The following HIPK2 variants were observed in gnomAD, a reference collection of about 807,000 sequenced individuals.
HIPK2 encodes the protein homeodomain interacting protein kinase 2.
Under a neutral mutation model 113.7 loss-of-function variants are expected in HIPK2, and 27 were observed. The ratio of observed to expected loss-of-function variants is 0.24; its 90% CI spans 0.17 to 0.33. The LOEUF is 0.33. Among genes scored for constraint, HIPK2 ranks in the 10% least tolerant of loss-of-function variants. HIPK2 has a pLI of 1.00. For synonymous variants in HIPK2, 631 were observed against 642.2 expected, an observed-to-expected ratio of 0.98 and a Z score of 0.26; for missense variants, 1,257 against 1,588.0, an observed-to-expected ratio of 0.79 and a Z score of 3.54.
intron 1 of HIPK2, among the ~76,000 whole-genome samples, chr7:139,765,536 G>C (rs1407891323): frequency 1.3e-5 from 2 of 152,128 alleles, no homozygotes; most frequent in Non-Finnish European, 2.9e-5. Flanking sequence ...TATCTGTTTT[G>C]CTCAATGCTG....
intron 10 of HIPK2, 57 bp from the exon 11 acceptor site, chr7:139,600,653 T>C (rs1799392436): frequency 2.6e-6 from 4 of 1,563,466 alleles, no homozygotes; most frequent in Non-Finnish European, 3.5e-6. Flanking sequence ...GTAGAGCTCC[T>C]CTATAAGATC....
intron 2 of HIPK2, among the ~76,000 whole-genome samples, chr7:139,656,780 C>T (rs946424315): frequency 2.0e-5 from 3 of 152,176 alleles, no homozygotes; most frequent in African/African-American, 7.2e-5. Context: ...TCTCCTTACT[C>T]GACACTTCTG....
intron 12 of HIPK2, among the ~76,000 whole-genome samples, chr7:139,592,839 C>G (rs538074927): frequency 4.6e-5 from 7 of 152,354 alleles, no homozygotes; most frequent in South Asian, 4.1e-4. Flanking sequence ...ATCTGTTTGT[C>G]TTATCTTTTG....
rs145567716 is a variant in HIPK2, at chr7:139,773,135, C to A, written c.19+4470G>T. Among the ~76,000 whole-genome samples the A allele has an allele frequency of 2.9e-3, 440 of 152,194 alleles. 1 individual carries two copies. Among genetic ancestry groups the A allele is most frequent in the African/African-American group, 9.4e-3 (389 of 41,520 alleles). ...TGCATAAATGTTTGCTGAATGAATG[C>A]GTTAAAGATGGGCCCTCGTCTGTCA... On this transcript the variant is annotated intron_variant, in intron 1 of 14. Transcript: ENST00000406875.
intron 2 of HIPK2, among the ~76,000 whole-genome samples, chr7:139,689,756 C>T (rs189998839): frequency 5.3e-5 from 8 of 152,288 alleles, no homozygotes; most frequent in African/African-American, 4.8e-5. Context: ...CTATGGCTTG[C>T]GCTTTGCTTG....
At chr7:139,720,380 C>T (rs1795371771) in intron 1 of HIPK2, among the ~76,000 whole-genome samples, 1 of 152,188 alleles carries the variant, frequency 6.6e-6, no homozygotes, top group Non-Finnish European at 1.5e-5. Flanking sequence ...CATGGATCTG[C>T]TGGAGGGTGT....
intron 1 of HIPK2, among the ~76,000 whole-genome samples, chr7:139,732,661 T>C (rs1425992142): frequency 6.6e-6 from 1 of 151,916 alleles, no homozygotes; most frequent in Non-Finnish European, 1.5e-5. Context: ...ACTTAACCCC[T>C]TTCTGCCTCA....
intron 1 of HIPK2, among the ~76,000 whole-genome samples, chr7:139,732,528 A>G (rs1209162624): frequency 2.0e-5 from 3 of 152,176 alleles, no homozygotes; most frequent in Non-Finnish European, 4.4e-5. Flanking sequence ...TTGGTGATGT[A>G]GGCCATCCCT....
rs111568475 is a variant in HIPK2, at chr7:139,569,043, A to G, written c.*3884T>C. 1,096 of 152,570 alleles carry G rather than the reference A, an allele frequency of 7.2e-3. 14 individuals are homozygous for G. The highest frequency in any genetic ancestry group is 0.024 in the African/African-American group (998 of 41,554). 9.5% of individuals were successfully genotyped at this position (152,570 alleles called of 1,614,324 possible). ...CAGCGCACACAGCACAGTGCACTGA[A>G]GATGTGGCCGGAGCCCAGTGGGGAT... is the stretch of plus-strand genomic sequence containing the variant. On this transcript the variant is annotated 3_prime_UTR_variant, in exon 15 of 15. Transcript: ENST00000406875.
chr7:139,648,251 G>GAGGA (rs1489416452), intron 2 of HIPK2, among the ~76,000 whole-genome samples: 1 of 152,182 alleles, frequency 6.6e-6, no homozygotes, highest in Non-Finnish European at 1.5e-5. Flanking sequence ...TTGAATTGAA[G>GAGGA]GCTAAGTGAA....
At chr7:139,574,925 G>A (rs1319279421) in intron 14 of HIPK2, among the ~76,000 whole-genome samples, 1 of 152,250 alleles carries the variant, frequency 6.6e-6, no homozygotes, top group Non-Finnish European at 1.5e-5. Flanking sequence ...CCAGCACTCT[G>A]TGCACTGGTG....
At chr7:139,776,207 T>C (rs957907987) in intron 1 of HIPK2, among the ~76,000 whole-genome samples, 18 of 152,202 alleles carry the variant, frequency 1.2e-4, no homozygotes, top group Non-Finnish European at 2.4e-4. Context: ...GACCTTGTGT[T>C]CTTCAGAATC....
chr7:139,664,394 G>A (rs1051984073), intron 2 of HIPK2, among the ~76,000 whole-genome samples: 8 of 151,972 alleles, frequency 5.3e-5, no homozygotes, highest in Non-Finnish European at 1.0e-4. Flanking sequence ...AAAATTAGCC[G>A]GGCATGGTGG....
intron 2 of HIPK2, among the ~76,000 whole-genome samples, chr7:139,663,865 C>T (rs1801951930): frequency 6.6e-6 from 1 of 152,184 alleles, no homozygotes; most frequent in Admixed American, 6.5e-5. Flanking sequence ...TTTCCCGAAG[C>T]CCACCCATAA....
intron 1 of HIPK2, among the ~76,000 whole-genome samples, chr7:139,752,634 C>T (rs1408272652): frequency 6.6e-6 from 1 of 151,118 alleles, no homozygotes; most frequent in Non-Finnish European, 1.5e-5. Context: ...TTTGAGGACA[C>T]GATTCTCCAA....
In HIPK2 at chr7:139,631,632, C is replaced by T. The variant is rs761220911; in HGVS notation, c.1197G>A (p.Pro399=). The T allele has an allele frequency of 9.3e-6, 15 of 1,614,004 alleles. No individual in the cohort carries two copies. The highest frequency in any genetic ancestry group is 2.2e-5 in the East Asian group (1 of 44,886). Residue 399 remains proline, a synonymous_variant, in exon 3 of 15, where the codon CCG becomes CCA. Coordinates refer to ENST00000406875, the MANE Select transcript of HIPK2 (RefSeq NM_022740.5). This position sits in a 1 kb window ranked among gnomAD's most constrained non-coding sequence, Gnocchi z 4.9. ...CATACTCCGAAGCTCCTGGATATAA[C>T]GGCCAACCCAGGAACAATTCTGCAA... The part of the protein sequence containing the change: ...CVIAELFLGW[P]LYPGASEYDQ...
chr7:139,777,624 CG>C lies in HIPK2; in HGVS notation c.-2del. ...CCTTACCTTCGTACACGGGGGCCAT[CG>C]GGGCCGGGGTGTCCGCGGTTCATGG... On this transcript the variant is annotated 5_prime_UTR_variant, in exon 1 of 15. Transcript: ENST00000406875. 2 of 1,073,372 alleles carry C rather than the reference CG, an allele frequency of 1.9e-6. No homozygotes were observed. The highest frequency in any genetic ancestry group is 5.4e-5 in the Admixed American group (1 of 18,360). 66.5% of individuals were successfully genotyped at this position (1,073,372 alleles called of 1,614,324 possible).
chr7:139,574,607 C>T (rs1798426270), intron 14 of HIPK2, among the ~76,000 whole-genome samples: 1 of 152,184 alleles, frequency 6.6e-6, no homozygotes, highest in Non-Finnish European at 1.5e-5. Flanking sequence ...GGCCTGATGC[C>T]GAGCCCTTGA....
rs1195286276 is a variant in HIPK2, at chr7:139,666,850, GT to G, written c.1104-35126del. On this transcript the variant is annotated intron_variant, in intron 2 of 14. Coordinates refer to ENST00000406875, the MANE Select transcript of HIPK2 (RefSeq NM_022740.5). ...GGCCGAGGCAGGTAGACGGCCTGAG[GT>G]CAGGAGTTCTAGACCAGCCTGGCCA... Among the ~76,000 whole-genome samples the G allele has an allele frequency of 2.0e-5, 3 of 152,282 alleles. No individual in the cohort carries two copies. In the East Asian group the frequency reaches 5.8e-4, roughly 29 times the overall value.
Sources: gnomAD v4.1 joint callset for allele counts (sites outside exome capture counted in the v4.1 genomes callset) on GRCh38, gnomAD v4.1.1 for gene constraint, Gnocchi (gnomAD v3.1) non-coding constraint, MANE v1.5 for transcripts, NCBI Gene and HGNC (gene_info 2026-07-23, HGNC 2026-07-21) for gene names.